The following CAPN15 variants were observed in gnomAD, a reference collection of about 807,000 sequenced individuals.
The protein encoded by CAPN15 is calpain-15.
Under a neutral mutation model 97.9 loss-of-function variants are expected in CAPN15, and 53 were observed. The ratio of observed to expected loss-of-function variants is 0.54; its 90% CI spans 0.43 to 0.68. The LOEUF is 0.68. CAPN15 is among the 30% of genes least tolerant of loss of function. The pLI is 0.00. For synonymous variants in CAPN15, 922 were observed against 722.5 expected (o/e 1.28, Z -4.43); for missense variants, 1,592 against 1,589.8 (o/e 1.00, Z -0.02).
At chr16:533,492 G>C (rs1211443500) in intron 1 of CAPN15, among the ~76,000 whole-genome samples, 1 of 152,206 alleles carries the variant, frequency 6.6e-6, no homozygotes, top group Non-Finnish European at 1.5e-5. Context: ...CTGTGTGCCT[G>C]TGCCTGCCCA....
At chr16:536,935 C>A in intron 3 of CAPN15, 1 of 160,644 alleles carries the variant, frequency 6.2e-6, no homozygotes, top group Non-Finnish European at 1.3e-5. Flanking sequence ...GGAGCTCTTG[C>A]TCCTTAGTGG....
rs765154014 is a variant in CAPN15 at position 553,495 on chromosome 16, G to A, written c.3240G>A (p.Leu1080=). 5 of 1,609,440 alleles carry A rather than the reference G, an allele frequency of 3.1e-6. No individual in the cohort carries two copies. In the African/African-American group the frequency reaches 4.0e-5, roughly 13 times the overall value. The change falls in exon 14 of 14, where the codon CTG becomes CTA. Residue 1080 remains leucine, a synonymous_variant. Coordinates refer to ENST00000219611, the MANE Select transcript of CAPN15 (RefSeq NM_005632.3). ...CACTCACGCCAGAGGTCGCCGGTCT[G>A]CATGGGCCCCGACCGCTGTGACCAC... is the stretch of plus-strand genomic sequence containing the variant. The part of the protein sequence containing the change: ...SPPLTPEVAG[L]HGPRPL
rs1485621957 is a variant in CAPN15 at position 551,223 on chromosome 16, C to T, written c.2067-79C>T. 177 of 1,380,666 alleles carry T rather than the reference C, an allele frequency of 1.3e-4. 2 individuals carry two copies. The highest frequency in any genetic ancestry group is 9.1e-4 in the Middle Eastern group (4 of 4,376). 85.5% of individuals were successfully genotyped at this position (1,380,666 alleles called of 1,614,324 possible). ...GAGGGTCCCCAGTCGGTGAGGGTCC[C>T]GGTCAGTGAGGGTCCCCGGTCGGTG... On this transcript the variant is annotated intron_variant, in intron 7 of 13. Transcript: ENST00000219611.
rs554440194 is a variant in CAPN15 at position 548,011 on chromosome 16, C to T, written c.1173C>T (p.Pro391=). The T allele has an allele frequency of 8.9e-6, 14 of 1,576,924 alleles. No homozygotes were observed. The highest frequency in any genetic ancestry group is 6.8e-5 in the African/African-American group (5 of 74,000). The change falls in exon 4 of 14, where the codon CCC becomes CCT. Residue 391 remains proline, a synonymous_variant. Transcript: ENST00000219611. ...CPDCGADKPS[P]CGRSCGRVSS... ...ACTGTGGGGCCGACAAGCCCAGCCC[C>T]TGCGGCAGAAGCTGCGGACGGGTGT...
chr16:548,721 C>T (rs1351321972), intron 4 of CAPN15, among the ~76,000 whole-genome samples: 1 of 152,248 alleles, frequency 6.6e-6, no homozygotes, highest in Non-Finnish European at 1.5e-5. Flanking sequence ...GGGCCAGGGC[C>T]AGAGTCGTGC....
chr16:550,257 C>T (rs2034896855), intron 7 of CAPN15, among the ~76,000 whole-genome samples: 1 of 152,226 alleles, frequency 6.6e-6, no homozygotes, highest in African/African-American at 2.4e-5. Flanking sequence ...CCGGTGCGAG[C>T]ACCTTGAAGC....
At chr16:540,702 T>G (rs2034053461) in intron 3 of CAPN15, among the ~76,000 whole-genome samples, 1 of 152,202 alleles carries the variant, frequency 6.6e-6, no homozygotes, top group Admixed American at 6.5e-5. Context: ...GCATATTGCC[T>G]GCTGCCCACG....
rs1466099513 is a variant in CAPN15, at chr16:552,400, G to A, written c.2607G>A (p.Leu869=). 1.2e-6 allele frequency: 2 copies of A among 1,607,876 alleles called. No individual in the cohort carries two copies. Among genetic ancestry groups the A allele is most frequent in the African/African-American group, 1.3e-5 (1 of 74,868 alleles). ...GCCACCTCAGCCTGGGCCGCCTCCT[G>A]GCCCACAGTAAGCGCGCGGTCAAGA... The part of the protein sequence containing the change: ...SGGHLSLGRL[L]AHSKRAVKKF... Residue 869 remains leucine (L), a synonymous_variant, in exon 11 of 14, where the codon CTG becomes CTA. Coordinates refer to ENST00000219611, the MANE Select transcript of CAPN15 (RefSeq NM_005632.3). This position sits in a 1 kb window ranked among gnomAD's most constrained non-coding sequence, Gnocchi z 6.4.
At chr16:550,259 C>T (rs2034897052) in intron 7 of CAPN15, among the ~76,000 whole-genome samples, 2 of 152,226 alleles carry the variant, frequency 1.3e-5, no homozygotes. Flanking sequence ...GGTGCGAGCA[C>T]CTTGAAGCTC....
At chr16:546,625 G>A (rs778840609) in intron 3 of CAPN15, among the ~76,000 whole-genome samples, 192 bp from the exon 4 acceptor site, 1 of 152,202 alleles carries the variant, frequency 6.6e-6, no homozygotes, top group African/African-American at 2.4e-5. Context: ...ACGGGCAAGA[G>A]GGGCCCTGAG....
chr16:554,400 C>T lies in CAPN15; in HGVS notation c.*884C>T, dbSNP rs1422773554. The T allele has an allele frequency of 1.2e-5, 5 of 420,926 alleles. No homozygotes were observed. In the Admixed American group the frequency reaches 1.3e-4, roughly 11 times the overall value. 26.1% of individuals were successfully genotyped at this position (420,926 alleles called of 1,614,324 possible). A position where few individuals can be genotyped will look rare whatever the true frequency, so the allele number is the denominator to read the frequency against. ...CAGCGGGCCGGCCTCGCCCCCACTC[C>T]CCCTCCTACCCCGGCAGGGGCTTCC... On this transcript the variant is annotated 3_prime_UTR_variant, in exon 14 of 14. Transcript: ENST00000219611.
At chr16:537,268 T>G in intron 3 of CAPN15, 1 of 985,494 alleles carries the variant, frequency 1.0e-6, no homozygotes, top group African/African-American at 1.7e-5. Flanking sequence ...AAGAAAGGTT[T>G]TCTGAGTGAG....
chr16:543,554 C>G (rs2142011503), intron 3 of CAPN15, among the ~76,000 whole-genome samples: 1 of 152,260 alleles, frequency 6.6e-6, no homozygotes, highest in Middle Eastern at 3.4e-3. Flanking sequence ...GTCGGCATCC[C>G]TGGGGCCACT....
rs544106304 is a variant in CAPN15, at chr16:535,937, G to C, written c.-136-92G>C. 1.4e-4 allele frequency: 33 copies of C among 236,778 alleles called. No individual in the cohort carries two copies. The highest frequency in any genetic ancestry group is 2.0e-4 in the Non-Finnish European group (29 of 145,642). The allele number at this position is 236,778 out of a possible 1,614,324, so 14.7% of individuals were successfully genotyped here. A position where few individuals can be genotyped will look rare whatever the true frequency, so the allele number is the denominator to read the frequency against. On this transcript the variant is annotated intron_variant, in intron 2 of 13. Transcript: ENST00000219611. The surrounding 1 kb of genome is among the most constrained non-coding windows in gnomAD (Gnocchi z 6.2). The stretch of plus-strand genomic sequence containing the variant: ...GGGGTCAGAGTTCGGCATGCTCTGC[G>C]GGGGCCTCACCCTGCTGTCCCTCGG...
chr16:544,850 TCGCCTCCCCCA>T (rs2034467414), intron 3 of CAPN15, among the ~76,000 whole-genome samples: 4 of 66,418 alleles, frequency 6.0e-5, no homozygotes, highest in Admixed American at 3.5e-4. Context: ...CTCCCCCACG[TCGCCTCCCCCA>T]CGTCGCCTCC....
chr16:549,498 G>A, intron 6 of CAPN15, 27 bp downstream of exon 6: 2 of 1,560,960 alleles, frequency 1.3e-6, no homozygotes, highest in South Asian at 2.3e-5. Flanking sequence ...GGTGGGCACG[G>A]GCGGCAGGGG....
chr16:533,104 C>T (rs760968775), intron 1 of CAPN15, among the ~76,000 whole-genome samples: 52 of 152,114 alleles, frequency 3.4e-4, no homozygotes, highest in Non-Finnish European at 6.6e-4. Context: ...GCCTGTAATC[C>T]GAGCTACTTG....
Position 546,955 on chromosome 16 carries a change from G to T in CAPN15, c.117G>T (p.Leu39=). The T allele has an allele frequency of 1.2e-6, 2 of 1,610,568 alleles. No individual in the cohort carries two copies. Among genetic ancestry groups the T allele is most frequent in the Non-Finnish European group, 8.5e-7 (1 of 1,179,882 alleles). The change falls in exon 4 of 14, where the codon CTG becomes CTT. Residue 39 remains leucine (L), a synonymous_variant. Transcript: ENST00000219611. The stretch of plus-strand genomic sequence containing the variant: ...ACAAGCCCGACCTCAACCACATCCT[G>T]CGGCTCAGCGTGGAGGAGCAGAAAT... ...PRHKPDLNHI[L]RLSVEEQKWP...
chr16:537,721 T>G (rs1025402290), intron 3 of CAPN15: 1 of 152,736 alleles, frequency 6.5e-6, no homozygotes, highest in African/African-American at 2.4e-5. Context: ...AGGGGCCGTT[T>G]GGGTGGTTCC....
Sources: gnomAD v4.1 joint callset for allele counts (sites outside exome capture counted in the v4.1 genomes callset) on GRCh38, gnomAD v4.1.1 for gene constraint, Gnocchi (gnomAD v3.1) non-coding constraint, MANE v1.5 for transcripts, NCBI Gene and HGNC (gene_info 2026-07-23, HGNC 2026-07-21) for gene names.